MCCC2: variants seen among roughly 807,000 people sequenced by gnomAD.
MCCC2 encodes methylcrotonoyl-CoA carboxylase beta chain, mitochondrial.
MCCC2 carries 52 observed loss-of-function variants against 77.2 expected under a neutral mutation model. The observed-to-expected ratio is 0.67, with a 90% CI of 0.54 to 0.85. The LOEUF (loss-of-function observed/expected upper bound fraction) is 0.85. MCCC2 is among the 40% of genes least tolerant of loss of function. The pLI, the probability that MCCC2 is intolerant of heterozygous loss-of-function variation, is 0.00. For missense variants in MCCC2, 682 were observed against 703.2 expected (o/e 0.97, Z 0.34); for synonymous variants, 253 against 248.4 (o/e 1.02, Z -0.18).
chr5:71,652,794 A>G, intron 16 of MCCC2, 40 bp downstream of exon 16: 1 of 1,549,908 alleles, frequency 6.5e-7, no homozygotes, highest in Non-Finnish European at 8.9e-7. Context: ...ATGGGTGCAG[A>G]TGGCAGTCAG....
chr5:71,637,845 A>T (rs1580322582), intron 10 of MCCC2, among the ~76,000 whole-genome samples: 1 of 152,072 alleles, frequency 6.6e-6, no homozygotes, highest in Admixed American at 6.6e-5. Flanking sequence ...CCTGAGTAGC[A>T]GGGACTACAG....
At chr5:71,627,055 A>G (rs779002051) in intron 7 of MCCC2, among the ~76,000 whole-genome samples, 28 of 152,126 alleles carry the variant, frequency 1.8e-4, no homozygotes, top group Non-Finnish European at 4.1e-4. Flanking sequence ...GAATTTGACT[A>G]TTCTAGGTAT....
chr5:71,603,712 A>G (rs977079038), intron 5 of MCCC2, among the ~76,000 whole-genome samples: 1 of 152,200 alleles, frequency 6.6e-6, no homozygotes. Context: ...CTCATAATGA[A>G]TTGGACACAG....
At chr5:71,640,828 T>C (rs936249142) in intron 10 of MCCC2, among the ~76,000 whole-genome samples, 175 bp from the exon 11 acceptor site, 2 of 152,218 alleles carry the variant, frequency 1.3e-5, no homozygotes, top group African/African-American at 4.8e-5. Context: ...GAACCCAGAA[T>C]GACTTCAGGG....
chr5:71,593,313 C>G (rs1472775143), intron 2 of MCCC2, among the ~76,000 whole-genome samples: 1 of 152,142 alleles, frequency 6.6e-6, no homozygotes, highest in Admixed American at 6.5e-5. Flanking sequence ...TGGTCTTGAA[C>G]TACTGATGTC....
At chr5:71,609,007 C>T (rs1220785968) in intron 6 of MCCC2, among the ~76,000 whole-genome samples, 1 of 151,960 alleles carries the variant, frequency 6.6e-6, no homozygotes, top group Non-Finnish European at 1.5e-5. Context: ...AACATTTTTT[C>T]CTTCATTTCA....
intron 1 of MCCC2, 155 bp from the exon 2 acceptor site, chr5:71,592,771 G>A: frequency 1.5e-6 from 1 of 680,194 alleles, no homozygotes; most frequent in Non-Finnish European, 2.7e-6. Context: ...CGATCCAGTG[G>A]CCCAGCGTGG....
At chr5:71,615,831 A>G (rs890395041) in intron 6 of MCCC2, among the ~76,000 whole-genome samples, 1 of 152,068 alleles carries the variant, frequency 6.6e-6, no homozygotes, top group Non-Finnish European at 1.5e-5. Context: ...CAGAGCTCCA[A>G]AATCCCTTGG....
intron 6 of MCCC2, among the ~76,000 whole-genome samples, chr5:71,614,988 A>G (rs1199044167): frequency 6.6e-6 from 1 of 151,970 alleles, no homozygotes; most frequent in Non-Finnish European, 1.5e-5. Flanking sequence ...CCCCTTTGAG[A>G]TGGAGTCTCA....
intron 13 of MCCC2, among the ~76,000 whole-genome samples, chr5:71,646,927 A>G (rs1394990413): frequency 1.3e-5 from 2 of 152,204 alleles, no homozygotes; most frequent in Admixed American, 1.3e-4. Context: ...ATGTATGTGT[A>G]TACCCTGAAC....
intron 6 of MCCC2, among the ~76,000 whole-genome samples, chr5:71,618,478 C>T (rs1196001087): frequency 6.8e-6 from 1 of 147,734 alleles, no homozygotes; most frequent in African/African-American, 2.5e-5. Context: ...TCTTTCTTTC[C>T]TTCTTTCCTT....
At chr5:71,646,342 T>C (rs905433244) in intron 13 of MCCC2, 65 bp downstream of exon 13, 25 of 1,442,518 alleles carry the variant, frequency 1.7e-5, no homozygotes, top group Non-Finnish European at 2.1e-5. Flanking sequence ...GTGTGGCTCA[T>C]GTATTGGACA....
chr5:71,652,825 C>CTA (rs1309257702), intron 16 of MCCC2, 71 bp downstream of exon 16: 2 of 1,306,476 alleles, frequency 1.5e-6, no homozygotes, highest in Non-Finnish European at 1.1e-6. Context: ...TTACAGAGCT[C>CTA]TGTGTAGTTG....
chr5:71,646,051 G>C (rs1354752525), intron 12 of MCCC2, among the ~76,000 whole-genome samples, 160 bp from the exon 13 acceptor site: 1 of 115,674 alleles, frequency 8.6e-6, no homozygotes, highest in East Asian at 3.0e-4. Context: ...AACAGAGTGA[G>C]ACCATGTTTC....
At chr5:71,652,887 T>C (rs1332541237) in intron 16 of MCCC2, 133 bp downstream of exon 16, 2 of 793,750 alleles carry the variant, frequency 2.5e-6, no homozygotes, top group Non-Finnish European at 4.3e-6. Context: ...ACACACTTAA[T>C]TTTGTACTGT....
In MCCC2 at chr5:71,587,393, C is replaced by T. The variant is rs1223502732; in HGVS notation, c.-33C>T. On this transcript the variant is annotated 5_prime_UTR_variant, in exon 1 of 17. Transcript: ENST00000340941. ...GGGGAAAGCACCGGCTCCAGGCCAG[C>T]GTGGGCCGCTCTCTCGCTCGGTGCC... 3 of 1,531,640 alleles carry T rather than the reference C, an allele frequency of 2.0e-6. No homozygotes were observed. The highest frequency in any genetic ancestry group is 1.4e-5 in the African/African-American group (1 of 72,832). The allele number at this position is 1,531,640 out of a possible 1,614,324, so 94.9% of individuals were successfully genotyped here. A position where few individuals can be genotyped will look rare whatever the true frequency, so the allele number is the denominator to read the frequency against.
rs1747477399 is a variant in MCCC2 at position 71,652,838 on chromosome 5, A to T, written c.1574+84A>T. The T allele has an allele frequency of 4.6e-6, 5 of 1,090,504 alleles. No individual in the cohort carries two copies. In the South Asian group the frequency reaches 5.0e-5, roughly 11 times the overall value. The allele number at this position is 1,090,504 out of a possible 1,614,324, so 67.6% of individuals were successfully genotyped here. The stretch of plus-strand genomic sequence containing the variant: ...CTTTACAGAGCTCTGTGTAGTTGAG[A>T]TGGTCCAGCATTCATAGGAACTGGA... On this transcript the variant is annotated intron_variant, in intron 16 of 16. Coordinates refer to ENST00000340941, the MANE Select transcript of MCCC2 (RefSeq NM_022132.5).
chr5:71,607,175 G>C (rs960542013), intron 6 of MCCC2, among the ~76,000 whole-genome samples: 43 of 152,124 alleles, frequency 2.8e-4, no homozygotes, highest in African/African-American at 1.0e-3. Context: ...TTGTACCTCT[G>C]GTAGAATTCG....
At chr5:71,615,447 C>CTTAT (rs1231079698) in intron 6 of MCCC2, among the ~76,000 whole-genome samples, 5 of 152,088 alleles carry the variant, frequency 3.3e-5, no homozygotes, top group East Asian at 1.9e-4. Context: ...CTGGGGTGCC[C>CTTAT]TTATTTATTT....
Sources: gnomAD v4.1 joint callset for allele counts (sites outside exome capture counted in the v4.1 genomes callset) on GRCh38, gnomAD v4.1.1 for gene constraint, MANE v1.5 for transcripts, NCBI Gene and HGNC (gene_info 2026-07-23, HGNC 2026-07-21) for gene names.